Variants in PWWP3A observed in about 807,000 individuals in gnomAD.
PWWP3A encodes the protein PWWP domain containing 3A, DNA repair factor.
PWWP3A carries 53 observed loss-of-function variants against 79.0 expected under a neutral mutation model. The ratio of observed to expected loss-of-function variants is 0.67; its 90% CI spans 0.54 to 0.84. The LOEUF (loss-of-function observed/expected upper bound fraction) is 0.84. Among genes scored for constraint, PWWP3A ranks in the 40% least tolerant of loss-of-function variants. The pLI is 0.00. For missense variants in PWWP3A, 973 were observed against 948.0 expected (o/e 1.03, Z -0.35); for synonymous variants, 443 against 394.4 (o/e 1.12, Z -1.46).
intron 6 of PWWP3A, among the ~76,000 whole-genome samples, chr19:1,362,645 C>T (rs1003698961): frequency 1.2e-4 from 19 of 152,328 alleles, no homozygotes; most frequent in Non-Finnish European, 2.4e-4. Context: ...TGTCCCCTCG[C>T]GGGGAGTGAG....
At chr19:1,359,745 GTTCT>G (rs1251441412) in intron 4 of PWWP3A, 1 of 160,258 alleles carries the variant, frequency 6.2e-6, no homozygotes, top group East Asian at 1.8e-4. Context: ...TGCCAGCAGA[GTTCT>G]TTATTTAGTT....
At chr19:1,363,224 A>G (rs746121649) in intron 6 of PWWP3A, among the ~76,000 whole-genome samples, 2 of 152,182 alleles carry the variant, frequency 1.3e-5, no homozygotes, top group African/African-American at 4.8e-5. Context: ...TTTTTTGTCT[A>G]CACTGTTTGA....
At chr19:1,375,294 C>T (rs1020815814) in intron 13 of PWWP3A, among the ~76,000 whole-genome samples, 2 of 149,486 alleles carry the variant, frequency 1.3e-5, no homozygotes, top group African/African-American at 2.5e-5. Flanking sequence ...GGTTCGATGG[C>T]GGTGAGCACT....
rs199643533 is a variant in PWWP3A, at chr19:1,373,195, C to G, written c.2075+35C>G. On this transcript the variant is annotated intron_variant, in intron 13 of 13. Coordinates refer to ENST00000591337, the MANE Select transcript of PWWP3A (RefSeq NM_001369789.1). ...TCCCGGCGCTATCTCCAGCCACTTG[C>G]GTCTCTGCCTTGCAGTTTCTATTTC... 8.2e-6 allele frequency: 13 copies of G among 1,580,374 alleles called. No homozygotes were observed. In the East Asian group the frequency reaches 1.1e-4, roughly 14 times the overall value.
intron 12 of PWWP3A, 64 bp from the exon 13 acceptor site, chr19:1,373,008 C>T (rs2082294180): frequency 1.4e-6 from 2 of 1,481,464 alleles, no homozygotes; most frequent in Non-Finnish European, 1.9e-6. Context: ...GCCTTCTTAA[C>T]CGCAGGCCAC....
chr19:1,372,314 C>G (rs2082279261), intron 12 of PWWP3A: 1 of 152,240 alleles, frequency 6.6e-6, no homozygotes, highest in Admixed American at 6.5e-5. Context: ...CTGGCCCCGA[C>G]GTCCACAGGG....
At chr19:1,375,877 C>CTCACTGCAA (rs1045733450) in intron 13 of PWWP3A, among the ~76,000 whole-genome samples, 2 of 127,460 alleles carry the variant, frequency 1.6e-5, no homozygotes, top group Non-Finnish European at 3.4e-5. Flanking sequence ...ACAGTCTCGG[C>CTCACTGCAA]CCACTGCAAC....
rs894597822 is a variant in PWWP3A at position 1,376,720 on chromosome 19, C to A, written c.*144C>A. ...TTCTCCTGCGTGGCAGTCCTGATTTCCATGCTTCTGGAGAATCCATTTCGT... is the reference window on the plus strand; with the variant it reads ...TTCTCCTGCGTGGCAGTCCTGATTTACATGCTTCTGGAGAATCCATTTCGT... On this transcript the variant is annotated 3_prime_UTR_variant, in exon 14 of 14. Transcript: ENST00000591337. 2.4e-4 allele frequency: 158 copies of A among 660,004 alleles called. No homozygotes were observed. The highest frequency in any genetic ancestry group is 4.4e-5 in the Non-Finnish European group (17 of 382,072). The allele number at this position is 660,004 out of a possible 1,614,324, so 40.9% of individuals were successfully genotyped here.
At position 1,360,794 on chromosome 19, in the gene PWWP3A, C is replaced by T. The variant is rs369331434; in HGVS notation, c.873C>T (p.Cys291=). The T allele has an allele frequency of 9.6e-5, 154 of 1,601,434 alleles. 5 individuals are homozygous for T. The highest frequency in any genetic ancestry group is 6.4e-4 in the Admixed American group (37 of 57,518). Residue 291 remains cysteine (C), a synonymous_variant, in exon 5 of 14, where the codon TGC becomes TGT. Transcript: ENST00000591337. The surrounding 1 kb of genome is among the most constrained non-coding windows in gnomAD (Gnocchi z 4.4). ...TAPPAPEPSA[C]SEPGECPAKK... is the part of the protein sequence containing the mutation. ...CCCCAGCCCCTGAGCCCTCGGCCTG[C>T]TCAGAGCCTGGAGAATGCCCTGCGA...
intron 11 of PWWP3A, 78 bp from the exon 12 acceptor site, chr19:1,370,564 C>G (rs1343075470): frequency 2.3e-6 from 3 of 1,317,216 alleles, no homozygotes; most frequent in Middle Eastern, 5.5e-4. Flanking sequence ...ATGTCGCAGC[C>G]TCCCATCGGC....
chr19:1,360,760 TCA>T lies in PWWP3A; in HGVS notation c.841_842del (p.Thr281CysfsTer6). ...GACCCCGGTCTGCCGTTGGGCAGCC[TCA>T]CTGCGCCCCCAGCCCCTGAGCCCTC... On this transcript the variant is annotated frameshift_variant, in exon 5 of 14. Transcript: ENST00000591337. LOFTEE classifies it high-confidence loss of function. The surrounding 1 kb of genome is among the most constrained non-coding windows in gnomAD (Gnocchi z 4.4). 1 of 1,611,848 alleles carries T rather than the reference TCA, an allele frequency of 6.2e-7. No individual in the cohort carries two copies. Among genetic ancestry groups the T allele is most frequent in the Non-Finnish European group, 8.5e-7 (1 of 1,179,200 alleles).
At position 1,368,410 on chromosome 19, in the gene PWWP3A, C is replaced by T. The variant is rs1481334274; in HGVS notation, c.1423-855C>T. On this transcript the variant is annotated intron_variant, in intron 9 of 13. Transcript: ENST00000591337. The surrounding 1 kb of genome is among the most constrained non-coding windows in gnomAD (Gnocchi z 4.7). ...CTTGTGAGTCAGGTATGTGGTGGTCCCGAAGCCCACTTGATTCAGTGGTAG... is the reference window on the plus strand; with the variant it reads ...CTTGTGAGTCAGGTATGTGGTGGTCTCGAAGCCCACTTGATTCAGTGGTAG... 2.6e-5 allele frequency among the ~76,000 whole-genome samples: 4 copies of T among 152,068 alleles called. No homozygotes were observed. Among genetic ancestry groups the T allele is most frequent in the Non-Finnish European group, 4.4e-5 (3 of 68,012 alleles).
chr19:1,372,320 C>T (rs901809004), intron 12 of PWWP3A: 1 of 152,248 alleles, frequency 6.6e-6, no homozygotes, highest in African/African-American at 2.4e-5. Context: ...CCGACGTCCA[C>T]AGGGCCGAGT....
chr19:1,373,216 A>G (rs751285388), intron 13 of PWWP3A, 56 bp downstream of exon 13: 125 of 1,499,964 alleles, frequency 8.3e-5, no homozygotes, highest in Non-Finnish European at 1.1e-4. Flanking sequence ...TGCAGTTTCT[A>G]TTTCCACACC....
chr19:1,376,451 G>C, intron 13 of PWWP3A, 68 bp from the exon 14 acceptor site: 1 of 1,538,396 alleles, frequency 6.5e-7, no homozygotes, highest in Middle Eastern at 1.7e-4. Context: ...ACCACACCCA[G>C]TCCTCTCTCT....
chr19:1,362,527 ATCTT>A (rs2082040937), intron 6 of PWWP3A, among the ~76,000 whole-genome samples, 176 bp downstream of exon 6: 1 of 152,114 alleles, frequency 6.6e-6, no homozygotes, highest in Non-Finnish European at 1.5e-5. Context: ...TCAGTCCTCT[ATCTT>A]AAGAATAACC....
intron 4 of PWWP3A, chr19:1,359,870 A>G (rs1190750891): frequency 9.2e-6 from 3 of 325,080 alleles, no homozygotes; most frequent in Non-Finnish European, 1.7e-5. Context: ...ACTTGGAGGA[A>G]TTTATCTTTT....
rs766363897 is a variant in PWWP3A, at chr19:1,371,094, G to T, written c.1986+16G>T. ...TCTGCCCGAGGTGAGCCGCGGACCG[G>T]CGTGTCACGTGGGCAGGGAGGGGCC... On this transcript the variant is annotated intron_variant, in intron 12 of 13. Coordinates refer to ENST00000591337, the MANE Select transcript of PWWP3A (RefSeq NM_001369789.1). 8 of 1,550,894 alleles carry T rather than the reference G, an allele frequency of 5.2e-6. No individual in the cohort carries two copies. Among genetic ancestry groups the T allele is most frequent in the East Asian group, 2.4e-5 (1 of 41,228 alleles).
rs190777575 is a variant in PWWP3A, at chr19:1,362,139, A to T, written c.1112-111A>T. 522 of 836,738 alleles carry T rather than the reference A, an allele frequency of 6.2e-4. 9 individuals are homozygous for T. Among genetic ancestry groups the T allele is most frequent in the South Asian group, 4.6e-3 (251 of 54,798 alleles). The allele number at this position is 836,738 out of a possible 1,614,324, so 51.8% of individuals were successfully genotyped here. A position where few individuals can be genotyped will look rare whatever the true frequency, so the allele number is the denominator to read the frequency against. ...TTGGCAGTGTGGAGTTGTGTATAGC[A>T]TGGAACCTTTTCTTTATGCATCGAT... On this transcript the variant is annotated intron_variant, in intron 5 of 13. Transcript: ENST00000591337.
Sources: allele counts gnomAD v4.1 joint callset (sites outside exome capture counted in the v4.1 genomes callset), GRCh38; gene constraint gnomAD v4.1.1; non-coding constraint Gnocchi (gnomAD v3.1); transcripts MANE v1.5; gene names NCBI Gene and HGNC (gene_info 2026-07-23, HGNC 2026-07-21).